Variants in GALNT15 observed in about 807,000 individuals in gnomAD.
GALNT15 encodes polypeptide N-acetylgalactosaminyltransferase 15, also known as UDP-GalNAc transferase T15.
A neutral mutation model predicts 66.8 loss-of-function variants in GALNT15; 67 were observed. The ratio of observed to expected loss-of-function variants is 1.00; its 90% CI spans 0.82 to 1.23. GALNT15 has a LOEUF of 1.23. GALNT15 is among the 50% of genes most tolerant of loss of function. The probability of loss-of-function intolerance (pLI) is 0.00; values close to 1 mark genes in which losing one functional copy is unlikely to be tolerated. For synonymous variants in GALNT15, 313 were observed against 311.5 expected, an observed-to-expected ratio of 1.00 and a Z score of -0.05; for missense variants, 827 against 804.3, an observed-to-expected ratio of 1.03 and a Z score of -0.34.
intron 3 of GALNT15, among the ~76,000 whole-genome samples, chr3:16,202,046 G>C (rs2063708988): frequency 6.6e-6 from 1 of 152,200 alleles, no homozygotes; most frequent in Admixed American, 6.5e-5. Context: ...CCTGAAGTTA[G>C]GGATGATCAA....
intron 3 of GALNT15, among the ~76,000 whole-genome samples, chr3:16,202,034 C>CA: frequency 6.6e-6 from 1 of 152,308 alleles, no homozygotes; most frequent in East Asian, 1.9e-4. Context: ...TTTATTATCT[C>CA]ACCTGAAGTT....
chr3:16,225,680 G>A lies in GALNT15; in HGVS notation c.1774-1674G>A, dbSNP rs767442025. Among the ~76,000 whole-genome samples, 6 of 151,974 alleles carry A rather than the reference G, an allele frequency of 3.9e-5. No homozygotes were observed. Among genetic ancestry groups the A allele is most frequent in the Admixed American group, 6.6e-5 (1 of 15,260 alleles). On this transcript the variant is annotated intron_variant, in intron 9 of 9. Coordinates refer to ENST00000339732, the MANE Select transcript of GALNT15 (RefSeq NM_054110.5). This position sits in a 1 kb window ranked among gnomAD's most constrained non-coding sequence, Gnocchi z 4.4. Reference sequence around the variant, plus strand: ...ACTGTACTCCAGCCTGGGTGACAGAGAGAGACTGTCTCAAAATAAATAAAT... The same window carrying A: ...ACTGTACTCCAGCCTGGGTGACAGAAAGAGACTGTCTCAAAATAAATAAAT...
chr3:16,228,107 C>A lies in GALNT15; in HGVS notation c.*607C>A. The A allele has an allele frequency of 1.0e-6, 1 of 986,092 alleles. No individual in the cohort carries two copies. The highest frequency in any genetic ancestry group is 1.2e-6 in the Non-Finnish European group (1 of 830,106). 61.1% of individuals were successfully genotyped at this position (986,092 alleles called of 1,614,324 possible). On this transcript the variant is annotated 3_prime_UTR_variant, in exon 10 of 10. Coordinates refer to ENST00000339732, the MANE Select transcript of GALNT15 (RefSeq NM_054110.5). ...GGCCCAATTCTCCAGCTCAACCCAG[C>A]AGCTGAAAAGCTTCAAGAGATCTAG...
At chr3:16,235,227 C>T (rs1407981822), downstream of GALNT15, among the ~76,000 whole-genome samples, 1 of 151,982 alleles carries the variant, frequency 6.6e-6, no homozygotes, top group Non-Finnish European at 1.5e-5. Flanking sequence ...CTGGCCGGTC[C>T]TTACCCCAAT....
the GALNT15 span, among the ~76,000 whole-genome samples, chr3:16,240,383 A>C: frequency 6.6e-6 from 1 of 152,240 alleles, no homozygotes; most frequent in African/African-American, 2.4e-5. Context: ...TGAGTCACTC[A>C]TGAATCAGAA....
At chr3:16,246,611 C>T in the GALNT15 span, among the ~76,000 whole-genome samples, 41 of 152,104 alleles carry the variant, frequency 2.7e-4, no homozygotes, top group African/African-American at 8.7e-4. Flanking sequence ...CGTGAGCCAC[C>T]GCGCCCAGCC....
downstream of GALNT15, among the ~76,000 whole-genome samples, chr3:16,230,763 A>G (rs2064074882): frequency 6.6e-6 from 1 of 152,234 alleles, no homozygotes. The surrounding 1 kb of genome is among the most constrained non-coding windows in gnomAD (Gnocchi z 4.5). Flanking sequence ...TTTTGGGCAA[A>G]GCCCAAAGCA....
rs549004774 is a variant in GALNT15, at chr3:16,181,516, G to A, written c.539+5826G>A. Among the ~76,000 whole-genome samples the A allele has an allele frequency of 2.6e-4, 40 of 152,196 alleles. No homozygotes were observed. The highest frequency in any genetic ancestry group is 6.8e-3 in the Middle Eastern group (2 of 294). ...GCCTTGGCTGCAGCTTTGTTGTCAAGTAGAAGATGGTGTTGCAATCCACGC... is the reference window on the plus strand; with the variant it reads ...GCCTTGGCTGCAGCTTTGTTGTCAAATAGAAGATGGTGTTGCAATCCACGC... On this transcript the variant is annotated intron_variant, in intron 1 of 9. Coordinates refer to ENST00000339732, the MANE Select transcript of GALNT15 (RefSeq NM_054110.5). This position sits in a 1 kb window ranked among gnomAD's most constrained non-coding sequence, Gnocchi z 5.9.
intron 6 of GALNT15, among the ~76,000 whole-genome samples, chr3:16,217,154 G>A (rs542661566): frequency 6.6e-6 from 1 of 152,218 alleles, no homozygotes; most frequent in Non-Finnish European, 1.5e-5. Context: ...TAACTGTTGT[G>A]AGTATACTAT....
At chr3:16,222,878 G>A (rs2063961419) in intron 9 of GALNT15, 120 bp downstream of exon 9, 1 of 1,191,350 alleles carries the variant, frequency 8.4e-7, no homozygotes, top group African/African-American at 1.5e-5. Context: ...CTCTGCTTTT[G>A]AACTTAGTGG....
chr3:16,206,368 T>C (rs1476694361), intron 3 of GALNT15, among the ~76,000 whole-genome samples: 1 of 138,888 alleles, frequency 7.2e-6, no homozygotes, highest in Non-Finnish European at 1.5e-5. Context: ...GGCGACAGAG[T>C]GAGACCATTT....
At chr3:16,247,995 C>T in the GALNT15 span, among the ~76,000 whole-genome samples, 5 of 152,150 alleles carry the variant, frequency 3.3e-5, no homozygotes, top group African/African-American at 9.7e-5. Flanking sequence ...AACTCTACAG[C>T]CCACCTACCA....
Position 16,204,142 on chromosome 3 carries a change from C to T in GALNT15, c.911+3319C>T, listed in dbSNP as rs1164843010. Among the ~76,000 whole-genome samples, 1 of 152,128 alleles carries T rather than the reference C, an allele frequency of 6.6e-6. No individual in the cohort carries two copies. The highest frequency in any genetic ancestry group is 2.4e-5 in the African/African-American group (1 of 41,416). On this transcript the variant is annotated intron_variant, in intron 3 of 9. Transcript: ENST00000339732. The surrounding 1 kb of genome is among the most constrained non-coding windows in gnomAD (Gnocchi z 4.5). ...CAAAGAGCCGTAGCCTCCTCCACACCCTGGCCAAGGAATTCAGAGCCTGCT... is the reference window on the plus strand; with the variant it reads ...CAAAGAGCCGTAGCCTCCTCCACACTCTGGCCAAGGAATTCAGAGCCTGCT...
rs2063473474 is a variant in GALNT15, at chr3:16,181,730, G to C, written c.539+6040G>C. Among the ~76,000 whole-genome samples, 1 of 152,170 alleles carries C rather than the reference G, an allele frequency of 6.6e-6. No individual in the cohort carries two copies. Among genetic ancestry groups the C allele is most frequent in the South Asian group, 2.1e-4 (1 of 4,820 alleles). ...GGATGAGGGACAAGAACAGGAACAA[G>C]CTGGGCTTGAGACCTGGGGCTGGAA... On this transcript the variant is annotated intron_variant, in intron 1 of 9. Transcript: ENST00000339732. This position sits in a 1 kb window ranked among gnomAD's most constrained non-coding sequence, Gnocchi z 5.9.
Position 16,225,346 on chromosome 3 carries a change from T to C in GALNT15, c.1774-2008T>C, listed in dbSNP as rs1022275703. 6.6e-6 allele frequency among the ~76,000 whole-genome samples: 1 copy of C among 152,222 alleles called. No individual in the cohort carries two copies. The highest frequency in any genetic ancestry group is 1.5e-5 in the Non-Finnish European group (1 of 68,040). On this transcript the variant is annotated intron_variant, in intron 9 of 9. Transcript: ENST00000339732. The surrounding 1 kb of genome is among the most constrained non-coding windows in gnomAD (Gnocchi z 4.4). ...CCAAACTATATCAACTACTAAACTT[T>C]ACACTTAAAAATGCCTAAGATTGTA...
the GALNT15 span, among the ~76,000 whole-genome samples, chr3:16,241,393 A>C: frequency 9.8e-5 from 15 of 152,304 alleles, no homozygotes; most frequent in East Asian, 2.9e-3. This position sits in a 1 kb window ranked among gnomAD's most constrained non-coding sequence, Gnocchi z 4.6. Context: ...ATTTGAGGTC[A>C]AATTTAAGAG....
At chr3:16,221,476 C>T (rs528636193) in intron 8 of GALNT15, among the ~76,000 whole-genome samples, 2 of 152,048 alleles carry the variant, frequency 1.3e-5, no homozygotes, top group African/African-American at 2.4e-5. Flanking sequence ...TGGACATGGG[C>T]GAAGCTGCCC....
chr3:16,246,488 G>C, the GALNT15 span, among the ~76,000 whole-genome samples: 1 of 152,182 alleles, frequency 6.6e-6, no homozygotes, highest in East Asian at 1.9e-4. Flanking sequence ...ACCACACCCA[G>C]CTAATTTTTG....
rs969243561 is a variant in GALNT15, at chr3:16,204,386, A to C, written c.911+3563A>C. On this transcript the variant is annotated intron_variant, in intron 3 of 9. Coordinates refer to ENST00000339732, the MANE Select transcript of GALNT15 (RefSeq NM_054110.5). The surrounding 1 kb of genome is among the most constrained non-coding windows in gnomAD (Gnocchi z 4.5). Reference sequence around the variant, plus strand: ...AATGCAAATTTACAGTAATGATAATATTAGAGATGTTCTCTTGGGTTGCAC... The same window carrying C: ...AATGCAAATTTACAGTAATGATAATCTTAGAGATGTTCTCTTGGGTTGCAC... Among the ~76,000 whole-genome samples the C allele has an allele frequency of 3.9e-5, 6 of 152,326 alleles. No individual in the cohort carries two copies. Among genetic ancestry groups the C allele is most frequent in the African/African-American group, 1.4e-4 (6 of 41,568 alleles).
Sources: gnomAD v4.1 joint callset for allele counts (sites outside exome capture counted in the v4.1 genomes callset) on GRCh38, gnomAD v4.1.1 for gene constraint, Gnocchi (gnomAD v3.1) non-coding constraint, MANE v1.5 for transcripts, NCBI Gene and HGNC (gene_info 2026-07-23, HGNC 2026-07-21) for gene names.